The following ANKRD6 variants were observed in gnomAD, a reference collection of about 807,000 sequenced individuals.
ANKRD6 encodes ankyrin repeat domain-containing protein 6.
ANKRD6 carries 56 observed loss-of-function variants against 82.3 expected under a neutral mutation model. That is an observed-to-expected ratio of 0.68 (90% CI 0.55 to 0.85). ANKRD6 has a LOEUF of 0.85. Among genes scored for constraint, ANKRD6 ranks in the 40% least tolerant of loss-of-function variants. The pLI is 0.00. For synonymous variants in ANKRD6, 347 were observed against 352.1 expected (o/e 0.99, Z 0.16); for missense variants, 852 against 907.6 (o/e 0.94, Z 0.79).
rs115074232 is a variant in ANKRD6 at position 89,607,607 on chromosome 6, A to C, written c.417+1502A>C. On this transcript the variant is annotated intron_variant, in intron 5 of 15. Transcript: ENST00000339746. Reference sequence around the variant, plus strand: ...GATTTTTATTTTTGTACCTTTCCCAAATTTTCCAGAATGAACCCATTATTT... The same window carrying C: ...GATTTTTATTTTTGTACCTTTCCCACATTTTCCAGAATGAACCCATTATTT... Among the ~76,000 whole-genome samples the C allele has an allele frequency of 2.0e-3, 304 of 151,572 alleles. 2 individuals are homozygous for C. The highest frequency in any genetic ancestry group is 7.1e-3 in the African/African-American group (293 of 41,356).
chr6:89,600,408 A>G (rs1796860677), intron 3 of ANKRD6, among the ~76,000 whole-genome samples: 1 of 152,212 alleles, frequency 6.6e-6, no homozygotes, highest in Non-Finnish European at 1.5e-5. Flanking sequence ...AGTGGCTAAC[A>G]CGACCCATAT....
intron 1 of ANKRD6, among the ~76,000 whole-genome samples, chr6:89,506,885 T>C (rs1779935751): frequency 2.6e-5 from 4 of 152,214 alleles, no homozygotes; most frequent in Admixed American, 2.0e-4. Context: ...AACAAGCCAA[T>C]CCCTAGTCTG....
intron 2 of ANKRD6, among the ~76,000 whole-genome samples, chr6:89,585,158 A>C (rs1175259159): frequency 6.6e-6 from 1 of 152,234 alleles, no homozygotes; most frequent in Non-Finnish European, 1.5e-5. Context: ...ACAAAACCAA[A>C]CATGCATTTG....
intron 1 of ANKRD6, among the ~76,000 whole-genome samples, chr6:89,440,515 G>C (rs1771240407): frequency 6.6e-6 from 1 of 152,156 alleles, no homozygotes; most frequent in Non-Finnish European, 1.5e-5. Context: ...TAGCAAATAG[G>C]GGAAGGCAAG....
intron 1 of ANKRD6, among the ~76,000 whole-genome samples, chr6:89,481,812 G>T (rs1776847564): frequency 6.6e-6 from 1 of 152,118 alleles, no homozygotes; most frequent in African/African-American, 2.4e-5. Context: ...ACCACTGATA[G>T]CACTGGTACT....
intron 1 of ANKRD6, among the ~76,000 whole-genome samples, chr6:89,504,806 A>G (rs1779659591): frequency 6.6e-6 from 1 of 152,214 alleles, no homozygotes; most frequent in Non-Finnish European, 1.5e-5. Flanking sequence ...CTTTAAAGCA[A>G]ATAGAGGGCT....
intron 5 of ANKRD6, among the ~76,000 whole-genome samples, chr6:89,609,718 T>TA (rs1477262402): frequency 6.6e-6 from 1 of 152,196 alleles, no homozygotes; most frequent in Non-Finnish European, 1.5e-5. Flanking sequence ...TTCAAGCTAT[T>TA]ACGCTGCCTC....
chr6:89,604,978 C>T (rs1798159233), intron 4 of ANKRD6, among the ~76,000 whole-genome samples: 1 of 152,134 alleles, frequency 6.6e-6, no homozygotes, highest in African/African-American at 2.4e-5. Flanking sequence ...CTCCCTGGAA[C>T]TCCTGCCTTC....
At chr6:89,474,354 G>A (rs1775813455) in intron 1 of ANKRD6, among the ~76,000 whole-genome samples, 1 of 152,138 alleles carries the variant, frequency 6.6e-6, no homozygotes, top group South Asian at 2.1e-4. Flanking sequence ...GAGAAAAAAT[G>A]TTCAGAATGT....
chr6:89,520,244 C>T lies in ANKRD6; in HGVS notation c.-143-46590C>T, dbSNP rs1781733525. ...AAGTCATCCTCCCACCTTGGCCTCC[C>T]AAAGTGTTGGTATTACAGGCGTGAA... On this transcript the variant is annotated intron_variant, in intron 1 of 15. Coordinates refer to ENST00000339746, the MANE Select transcript of ANKRD6 (RefSeq NM_001242809.2). Among the ~76,000 whole-genome samples the T allele has an allele frequency of 1.3e-5, 2 of 152,222 alleles. 1 individual carries two copies. The highest frequency in any genetic ancestry group is 4.8e-5 in the African/African-American group (2 of 41,456).
At chr6:89,598,941 A>T (rs2128163475) in intron 3 of ANKRD6, among the ~76,000 whole-genome samples, 1 of 152,278 alleles carries the variant, frequency 6.6e-6, no homozygotes, top group East Asian at 1.9e-4. Flanking sequence ...CACAGGTTGG[A>T]AGCAGCTTGG....
intron 1 of ANKRD6, among the ~76,000 whole-genome samples, chr6:89,456,205 C>G (rs1004243205): frequency 2.6e-5 from 4 of 152,132 alleles, no homozygotes; most frequent in African/African-American, 9.7e-5. Context: ...CTGCCCCACC[C>G]CTATGACCCA....
At chr6:89,552,793 C>A (rs1786027527) in intron 1 of ANKRD6, among the ~76,000 whole-genome samples, 1 of 152,056 alleles carries the variant, frequency 6.6e-6, no homozygotes, top group Non-Finnish European at 1.5e-5. Context: ...TATTAAGGCC[C>A]AAGGAAGTTA....
intron 3 of ANKRD6, among the ~76,000 whole-genome samples, chr6:89,598,748 GC>G (rs1796434583): frequency 6.6e-6 from 1 of 152,194 alleles, no homozygotes; most frequent in African/African-American, 2.4e-5. Context: ...GTGCCAAACT[GC>G]AAGGTTGCAG....
chr6:89,527,279 G>C (rs1043902358), intron 1 of ANKRD6, among the ~76,000 whole-genome samples: 1 of 152,052 alleles, frequency 6.6e-6, no homozygotes, highest in African/African-American at 2.4e-5. Flanking sequence ...TGTCTAAAAG[G>C]ACAGTGTATA....
At chr6:89,469,868 C>T (rs1582773249) in intron 1 of ANKRD6, among the ~76,000 whole-genome samples, 1 of 152,164 alleles carries the variant, frequency 6.6e-6, no homozygotes, top group Admixed American at 6.6e-5. Flanking sequence ...TTTTCCTCGT[C>T]AATATTCTCA....
chr6:89,462,876 TTTTTTTTC>T (rs1288652375), intron 1 of ANKRD6, among the ~76,000 whole-genome samples: 8 of 151,432 alleles, frequency 5.3e-5, no homozygotes, highest in African/African-American at 1.9e-4. Flanking sequence ...TTTTTTTTTT[TTTTTTTTC>T]TAAGAGACAA....
At chr6:89,514,257 A>T (rs997529471) in intron 1 of ANKRD6, among the ~76,000 whole-genome samples, 2 of 152,164 alleles carry the variant, frequency 1.3e-5, no homozygotes, top group African/African-American at 4.8e-5. Flanking sequence ...ATGTACCCGT[A>T]ATCCGAGCTA....
intron 1 of ANKRD6, among the ~76,000 whole-genome samples, chr6:89,527,020 A>G (rs946930596): frequency 6.6e-6 from 1 of 152,216 alleles, no homozygotes; most frequent in Non-Finnish European, 1.5e-5. Context: ...TTCCAGAAAC[A>G]TCCTTGCACA....
Sources: gnomAD v4.1 joint callset for allele counts (sites outside exome capture counted in the v4.1 genomes callset) on GRCh38, gnomAD v4.1.1 for gene constraint, MANE v1.5 for transcripts, NCBI Gene and HGNC (gene_info 2026-07-23, HGNC 2026-07-21) for gene names.